SPTBN5: variants seen among roughly 807,000 people sequenced by gnomAD.
SPTBN5 encodes spectrin beta, non-erythrocytic 5.
SPTBN5 carries 513 observed loss-of-function variants against 477.6 expected under a neutral mutation model. The ratio of observed to expected loss-of-function variants is 1.07; its 90% CI spans 1.00 to 1.16. The LOEUF (loss-of-function observed/expected upper bound fraction) is 1.16, where lower values mean the gene tolerates loss of function less well. Among genes scored for constraint, SPTBN5 ranks in the 50% most tolerant of loss-of-function variants. SPTBN5 has a pLI of 0.00. For synonymous variants in SPTBN5, 2,169 were observed against 2,011.7 expected, an observed-to-expected ratio of 1.08 and a Z score of -2.09; for missense variants, 5,062 against 4,731.8, an observed-to-expected ratio of 1.07 and a Z score of -2.05.
rs562715141 is a variant in SPTBN5 at position 41,853,612 on chromosome 15, T to C, written c.9950A>G (p.His3317Arg). 1.3e-6 allele frequency: 2 copies of C among 1,586,162 alleles called. No individual in the cohort carries two copies. The highest frequency in any genetic ancestry group is 1.7e-6 in the Non-Finnish European group (2 of 1,165,132). Residue 3317 changes from histidine to arginine, a missense_variant, in exon 58 of 68, where the codon CAT becomes CGT. By Grantham distance (29) the His-to-Arg change is conservative (BLOSUM62 0). Transcript: ENST00000320955. The part of the protein sequence containing the change: ...GQWLAQAAQG[H>R]AFLGRCQELL... ...TTCCTGGCAGCGCCCGAGGAAGGCA[T>C]GGCCCTGTGCAGCCTGCGCCAGCCA... is the stretch of plus-strand genomic sequence containing the variant.
rs150722183 is a variant in SPTBN5, at chr15:41,893,852, C to T, written c.-50+47G>A. Reference sequence around the variant, plus strand: ...TGGTGATGCCTGGGTCCCACAGAGACGGCTCTGCTGGACGGATGGAGATGG... The same window carrying T: ...TGGTGATGCCTGGGTCCCACAGAGATGGCTCTGCTGGACGGATGGAGATGG... On this transcript the variant is annotated intron_variant, in intron 1 of 67. Coordinates refer to ENST00000320955, the MANE Select transcript of SPTBN5 (RefSeq NM_016642.4). 608 of 354,270 alleles carry T rather than the reference C, an allele frequency of 1.7e-3. 3 individuals carry two copies. Among genetic ancestry groups the T allele is most frequent in the African/African-American group, 0.012 (566 of 49,192 alleles). 21.9% of individuals were successfully genotyped at this position (354,270 alleles called of 1,614,324 possible).
chr15:41,892,821 G>A (rs1366918813), intron 3 of SPTBN5, 73 bp downstream of exon 3: 29 of 1,486,686 alleles, frequency 2.0e-5, no homozygotes, highest in Non-Finnish European at 2.6e-5. Context: ...GCGCAGGAAA[G>A]GTGACCCAGT....
In SPTBN5 at chr15:41,851,783, C is replaced by G. The variant is rs563808355; in HGVS notation, c.10652G>C (p.Arg3551Thr). The stretch of plus-strand genomic sequence containing the variant: ...AAGGAATCTCCAGGCACTCACCTGC[C>G]TCCCGCCAGGCAGCAGGTGCTGCTT... ...EFKQHLLPGG[R>T]QPSSSSWDSC... Residue 3551 changes from arginine (R) to threonine (T), a missense_variant, in exon 63 of 68, where the codon AGG (arginine) becomes ACG (threonine). Transcript: ENST00000320955. The G allele has an allele frequency of 4.9e-5, 79 of 1,609,124 alleles. 1 individual carries two copies. In the East Asian group the frequency reaches 1.0e-3, roughly 20 times the overall value.
chr15:41,852,768 T>TTGG, intron 60 of SPTBN5, 33 bp from the exon 61 acceptor site: 2 of 1,445,928 alleles, frequency 1.4e-6, no homozygotes, highest in Non-Finnish European at 1.9e-6. Flanking sequence ...GACGCCCAGC[T>TTGG]TGGGGGGGGG....
At position 41,855,440 on chromosome 15, in the gene SPTBN5, G is replaced by A; in HGVS notation, c.9219-12C>T. The A allele has an allele frequency of 1.3e-6, 2 of 1,599,726 alleles. No individual in the cohort carries two copies. Among genetic ancestry groups the A allele is most frequent in the Non-Finnish European group, 8.5e-7 (1 of 1,173,192 alleles). ...CTAGCACCTTGGGGCTGTGGGAAGA[G>A]AGCGACAGTCTGGACTGCAGCCCTG... On this transcript the variant is annotated splice_polypyrimidine_tract_variant and intron_variant, in intron 54 of 67. Transcript: ENST00000320955.
Position 41,857,292 on chromosome 15 carries a change from T to G in SPTBN5, c.8567A>C (p.Glu2856Ala). The part of the protein sequence containing the change: ...LLGQAQAFVR[E>A]GHCLAQDVEE... ...CACATCTTGGGCAAGGCAGTGGCCT[T>G]CCCTCACAAAGGCCTGGGCCTGGCC... The change falls in exon 51 of 68, where the codon GAA (glutamate) becomes GCA (alanine). Residue 2856 changes from glutamate to alanine, a missense_variant. Coordinates refer to ENST00000320955, the MANE Select transcript of SPTBN5 (RefSeq NM_016642.4). 1 of 1,573,360 alleles carries G rather than the reference T, an allele frequency of 6.4e-7. No individual in the cohort carries two copies. Among genetic ancestry groups the G allele is most frequent in the Non-Finnish European group, 8.6e-7 (1 of 1,159,838 alleles).
intron 46 of SPTBN5, 43 bp from the exon 47 acceptor site, chr15:41,860,801 C>G (rs776350275): frequency 4.9e-6 from 7 of 1,435,174 alleles, no homozygotes; most frequent in East Asian, 2.7e-5. Context: ...GAGCCTCCCC[C>G]TCCCATCCCA....
At chr15:41,873,465 C>G (rs949780966) in intron 26 of SPTBN5, 27 bp downstream of exon 26, 1 of 1,515,940 alleles carries the variant, frequency 6.6e-7, no homozygotes, top group African/African-American at 1.4e-5. Flanking sequence ...CCAGACCACA[C>G]TGCAGGGGAG....
At position 41,882,120 on chromosome 15, in the gene SPTBN5, G is replaced by A; in HGVS notation, c.2273C>T (p.Ala758Val). 2 of 1,572,864 alleles carry A rather than the reference G, an allele frequency of 1.3e-6. No individual in the cohort carries two copies. The highest frequency in any genetic ancestry group is 4.7e-5 in the East Asian group (2 of 42,482). Residue 758 changes from alanine (A) to valine (V), a missense_variant, in exon 12 of 68, where the codon GCT becomes GTT. Physicochemically the swap from Ala to Val is moderately conservative, Grantham distance 64. Transcript: ENST00000320955. Reference sequence around the variant, plus strand: ...GGATCGCCGCTCGCGCAGCCACGAAGCCGCCTCCGCCGCGTCCGCGAAGTA... The same window carrying A: ...GGATCGCCGCTCGCGCAGCCACGAAACCGCCTCCGCCGCGTCCGCGAAGTA... ...LQYFADAAEA[A>V]SWLRERRSSL...
rs1440526663 is a variant in SPTBN5, at chr15:41,852,673, T to A, written c.10410A>T (p.Ala3470=). ...HRHQDLEKLL[A]AQEEKFAQMQ... is the part of the protein sequence containing the mutation. ...TTTGGGCAAACTTCTCTTCCTGGGC[T>A]GCCAGCAGCTTTTCTAAGTCCTGGT... Residue 3470 remains alanine (A), a synonymous_variant, in exon 61 of 68, where the codon GCA becomes GCT. Transcript: ENST00000320955. 6.2e-7 allele frequency: 1 copy of A among 1,613,608 alleles called. No homozygotes were observed. Among genetic ancestry groups the A allele is most frequent in the East Asian group, 2.2e-5 (1 of 44,888 alleles).
chr15:41,851,457 T>C (rs2065758970), intron 63 of SPTBN5, 88 bp from the exon 64 acceptor site: 2 of 995,690 alleles, frequency 2.0e-6, no homozygotes, highest in Non-Finnish European at 3.0e-6. Flanking sequence ...TGTGTGGAGC[T>C]TCCCAGGAAA....
intron 22 of SPTBN5, 63 bp downstream of exon 22, chr15:41,875,395 G>A (rs999530413): frequency 4.0e-5 from 62 of 1,544,206 alleles, no homozygotes; most frequent in African/African-American, 6.8e-5. Flanking sequence ...CTCCCTCCCC[G>A]TTCTGTCCAG....
At chr15:41,890,750 T>C (rs1228852789) in intron 3 of SPTBN5, among the ~76,000 whole-genome samples, 1 of 152,178 alleles carries the variant, frequency 6.6e-6, no homozygotes, top group East Asian at 1.9e-4. Context: ...AGCCTGGGAA[T>C]TTGCACTTGA....
Position 41,866,335 on chromosome 15 carries a change from G to A in SPTBN5, c.6630+9C>T, listed in dbSNP as rs747399440. On this transcript the variant is annotated intron_variant, in intron 37 of 67. Coordinates refer to ENST00000320955, the MANE Select transcript of SPTBN5 (RefSeq NM_016642.4). ...GGGGCAGGCATGGGGCTGAGGGCCCGGTTGTTACCTTGGCAACAGAGGTCA... is the reference window on the plus strand; with the variant it reads ...GGGGCAGGCATGGGGCTGAGGGCCCAGTTGTTACCTTGGCAACAGAGGTCA... 64 of 1,583,380 alleles carry A rather than the reference G, an allele frequency of 4.0e-5. No homozygotes were observed. The highest frequency in any genetic ancestry group is 4.1e-5 in the African/African-American group (3 of 73,792).
chr15:41,860,726 C>T lies in SPTBN5; in HGVS notation c.7848G>A (p.Trp2616Ter). 4 of 1,600,336 alleles carry T rather than the reference C, an allele frequency of 2.5e-6. No homozygotes were observed. The highest frequency in any genetic ancestry group is 3.4e-6 in the Non-Finnish European group (4 of 1,174,320). ...DPLAPMEPLLWKHKMLEWDLE... is the reference protein window; with the variant it reads ...DPLAPMEPLL ...GGTCCCACTCCAGCATCTTGTGCTT[C>T]CACAGAAGGGGCTCCATGGGGGCCA... The change falls in exon 47 of 68, where the codon TGG (tryptophan) becomes TGA (stop). Residue 2616 changes from tryptophan (W) to a stop codon, truncating the protein, a stop_gained. Transcript: ENST00000320955. LOFTEE classifies it high-confidence loss of function.
rs755309380 is a variant in SPTBN5, at chr15:41,874,913, G to A, written c.4431C>T (p.Ala1477=). ...ESRTLAAKMA[A]LASMAHGMAA... is the part of the protein sequence containing the mutation. ...CCATGCCATGGGCCATGGAGGCGAGGGCAGCCATCTTGGCAGCCAGGGTCC... is the reference window on the plus strand; with the variant it reads ...CCATGCCATGGGCCATGGAGGCGAGAGCAGCCATCTTGGCAGCCAGGGTCC... The change falls in exon 23 of 68, where the codon GCC becomes GCT. Residue 1477 remains alanine, a synonymous_variant. Transcript: ENST00000320955. 2 of 1,613,336 alleles carry A rather than the reference G, an allele frequency of 1.2e-6. No homozygotes were observed. The highest frequency in any genetic ancestry group is 1.7e-6 in the Non-Finnish European group (2 of 1,179,822).
intron 66 of SPTBN5, 77 bp from the exon 67 acceptor site, chr15:41,850,036 C>T (rs1451046527): frequency 1.6e-6 from 2 of 1,249,880 alleles, no homozygotes; most frequent in Non-Finnish European, 2.3e-6. Flanking sequence ...CTCCTTCCTC[C>T]AGCTTCTGGA....
chr15:41,887,078 T>G, intron 6 of SPTBN5, 135 bp downstream of exon 6: 1 of 761,308 alleles, frequency 1.3e-6, no homozygotes, highest in Non-Finnish European at 2.2e-6. Context: ...ATCATCTCCA[T>G]GTGATAGAGG....
chr15:41,863,944 C>T lies in SPTBN5; in HGVS notation c.6999G>A (p.Lys2333=). The stretch of plus-strand genomic sequence containing the variant: ...GCTGGCTTCGCCGCTGGCAGATGAT[C>T]TTGACTTCCTCAGGGTCCCGGTTCT... ...QLKNRDPEEV[K]IICQRRSQLN... Residue 2333 remains lysine, a synonymous_variant, in exon 40 of 68, where the codon AAG becomes AAA. Coordinates refer to ENST00000320955, the MANE Select transcript of SPTBN5 (RefSeq NM_016642.4). The T allele has an allele frequency of 6.2e-7, 1 of 1,613,918 alleles. No homozygotes were observed. The highest frequency in any genetic ancestry group is 1.1e-5 in the South Asian group (1 of 91,074).
Sources: allele counts gnomAD v4.1 joint callset (sites outside exome capture counted in the v4.1 genomes callset), GRCh38; gene constraint gnomAD v4.1.1; transcripts MANE v1.5; gene names NCBI Gene and HGNC (gene_info 2026-07-23, HGNC 2026-07-21).